Variants in NALCN observed in about 807,000 individuals in gnomAD.
NALCN encodes the protein sodium leak channel, non-selective.
In NALCN, 111 loss-of-function variants were observed where a neutral mutation model predicts 225.3. That is an observed-to-expected ratio of 0.49 (90% CI 0.42 to 0.58). The LOEUF (loss-of-function observed/expected upper bound fraction) is 0.58, where lower values mean the gene tolerates loss of function less well. NALCN is among the 20% of genes least tolerant of loss of function. NALCN has a pLI of 0.00. For missense variants in NALCN, 1,378 were observed against 2,202.4 expected, an observed-to-expected ratio of 0.63 and a Z score of 7.49; for synonymous variants, 764 against 769.0, an observed-to-expected ratio of 0.99 and a Z score of 0.11.
intron 12 of NALCN, among the ~76,000 whole-genome samples, chr13:101,233,440 A>G (rs1194923755): frequency 6.6e-6 from 1 of 150,394 alleles, no homozygotes; most frequent in Non-Finnish European, 1.5e-5. Flanking sequence ...TCCCGGGTTC[A>G]CACCATTCTC....
chr13:101,081,089 T>C (rs1392547624), intron 34 of NALCN, among the ~76,000 whole-genome samples: 1 of 152,192 alleles, frequency 6.6e-6, no homozygotes, highest in Non-Finnish European at 1.5e-5. Flanking sequence ...CATTGTGAAA[T>C]ACTGATTATA....
chr13:101,341,483 G>A (rs747448821), intron 7 of NALCN, among the ~76,000 whole-genome samples: 1 of 152,080 alleles, frequency 6.6e-6, no homozygotes, highest in Non-Finnish European at 1.5e-5. Flanking sequence ...ATTTTACTAA[G>A]ATGTGTCTCA....
intron 7 of NALCN, among the ~76,000 whole-genome samples, chr13:101,296,385 T>C (rs1388891427): frequency 6.6e-6 from 1 of 152,246 alleles, no homozygotes; most frequent in East Asian, 1.9e-4. Flanking sequence ...TGGAAACTAT[T>C]TTGTAGTGAA....
At chr13:101,415,228 T>TATATATATATATATATATATATACAGAC (rs137895468) in intron 1 of NALCN, among the ~76,000 whole-genome samples, 1 of 129,236 alleles carries the variant, frequency 7.7e-6, no homozygotes. Flanking sequence ...TATATATACA[T>TATATATATATATATATATATATACAGAC]ACATATATAT....
chr13:101,314,947 G>A (rs2044499039), intron 7 of NALCN, among the ~76,000 whole-genome samples: 1 of 151,416 alleles, frequency 6.6e-6, no homozygotes, highest in Admixed American at 6.6e-5. Context: ...ATGCTGGCGA[G>A]ATACTAAAGT....
chr13:101,405,156 A>G (rs1786459378), intron 1 of NALCN, among the ~76,000 whole-genome samples: 1 of 152,220 alleles, frequency 6.6e-6, no homozygotes, highest in Non-Finnish European at 1.5e-5. Flanking sequence ...GCACATTTAC[A>G]TCTTCAGTTT....
intron 19 of NALCN, 42 bp downstream of exon 19, chr13:101,111,083 C>CT (rs1361452974): frequency 6.3e-7 from 1 of 1,575,532 alleles, no homozygotes. Flanking sequence ...TAAAACCCCC[C>CT]TTTTTTAGAG....
intron 13 of NALCN, among the ~76,000 whole-genome samples, chr13:101,207,668 G>A (rs2040363839): frequency 6.6e-6 from 1 of 152,084 alleles, no homozygotes; most frequent in Non-Finnish European, 1.5e-5. Context: ...TCTAGCTAAA[G>A]ATTTGTAAAC....
chr13:101,279,818 AAAAATAAATAAATAAAT>A, intron 10 of NALCN, among the ~76,000 whole-genome samples: 1 of 83,190 alleles, frequency 1.2e-5, no homozygotes, highest in African/African-American at 4.3e-5. Flanking sequence ...CTCCGTCTCA[AAAAATAAATAAATAAAT>A]AAAATAAATA....
At chr13:101,401,636 T>C (rs1207335063) in intron 1 of NALCN, among the ~76,000 whole-genome samples, 1 of 152,202 alleles carries the variant, frequency 6.6e-6, no homozygotes, top group Non-Finnish European at 1.5e-5. Flanking sequence ...CCAGAATTTA[T>C]TGTTTTTTAA....
chr13:101,342,748 T>C (rs2045597172), intron 7 of NALCN, among the ~76,000 whole-genome samples: 1 of 152,158 alleles, frequency 6.6e-6, no homozygotes, highest in South Asian at 2.1e-4. Flanking sequence ...TTGGATGATT[T>C]TGGGGACACA....
chr13:101,103,007 G>C (rs1275616235), intron 26 of NALCN, among the ~76,000 whole-genome samples, 165 bp downstream of exon 26: 1 of 152,196 alleles, frequency 6.6e-6, no homozygotes, highest in African/African-American at 2.4e-5. Flanking sequence ...GTGCCCATGA[G>C]TAAAGTGTTT....
chr13:101,239,178 C>T (rs2041670776), intron 11 of NALCN, among the ~76,000 whole-genome samples: 1 of 151,920 alleles, frequency 6.6e-6, no homozygotes, highest in African/African-American at 2.4e-5. Flanking sequence ...TATGCAATCA[C>T]AGAAACAGGC....
At chr13:101,383,431 C>T (rs2046903606) in intron 3 of NALCN, among the ~76,000 whole-genome samples, 1 of 152,046 alleles carries the variant, frequency 6.6e-6, no homozygotes, top group Non-Finnish European at 1.5e-5. Context: ...GTCTATCTCT[C>T]ATGGTAAATG....
chr13:101,060,037 C>G (rs529270806), intron 41 of NALCN, 70 bp from the exon 42 acceptor site: 1 of 1,564,110 alleles, frequency 6.4e-7, no homozygotes, highest in Non-Finnish European at 8.7e-7. Flanking sequence ...CCACACAAAT[C>G]TTATTTTCTT....
chr13:101,211,290 T>C (rs1003129361), intron 13 of NALCN, among the ~76,000 whole-genome samples: 11 of 152,244 alleles, frequency 7.2e-5, no homozygotes, highest in Non-Finnish European at 1.2e-4. Flanking sequence ...GGTGAAAAAC[T>C]ACCAAAATAA....
intron 15 of NALCN, among the ~76,000 whole-genome samples, chr13:101,153,704 G>T (rs570697137): frequency 3.3e-5 from 5 of 152,110 alleles, no homozygotes; most frequent in African/African-American, 1.2e-4. Context: ...ATGGTCAATT[G>T]GTCATCCAAA....
chr13:101,261,814 G>A (rs564588091), intron 10 of NALCN, among the ~76,000 whole-genome samples: 32 of 152,156 alleles, frequency 2.1e-4, no homozygotes, highest in African/African-American at 6.0e-4. Flanking sequence ...GACTTCTTCC[G>A]TTCCAATTTG....
At chr13:101,142,724 T>C (rs769981548) in intron 17 of NALCN, 4 of 279,940 alleles carry the variant, frequency 1.4e-5, no homozygotes, top group Non-Finnish European at 2.8e-5. Flanking sequence ...ATGTAATAAG[T>C]AGACATAAGC....
Sources: allele counts gnomAD v4.1 joint callset (sites outside exome capture counted in the v4.1 genomes callset), GRCh38; gene constraint gnomAD v4.1.1; transcripts MANE v1.5; gene names NCBI Gene and HGNC (gene_info 2026-07-23, HGNC 2026-07-21).